The following GALNT18 variants were observed in gnomAD, a reference collection of about 807,000 sequenced individuals.
GALNT18 encodes polypeptide N-acetylgalactosaminyltransferase 18.
In GALNT18, 44 loss-of-function variants were observed where a neutral mutation model predicts 69.5. The ratio of observed to expected loss-of-function variants is 0.63; its 90% CI spans 0.50 to 0.81. The LOEUF (loss-of-function observed/expected upper bound fraction) is 0.81, where lower values mean the gene tolerates loss of function less well. Ranked by LOEUF, GALNT18 falls within the 40% of genes least tolerant of loss-of-function variation. The pLI is 0.00. For synonymous variants in GALNT18, 364 were observed against 318.2 expected, an observed-to-expected ratio of 1.14 and a Z score of -1.53; for missense variants, 715 against 810.0, an observed-to-expected ratio of 0.88 and a Z score of 1.42.
Position 11,465,292 on chromosome 11 carries a change from C to G in GALNT18, c.236-16356G>C, listed in dbSNP as rs1856132851. The stretch of plus-strand genomic sequence containing the variant: ...AGGGTCTGTATTTAGACTGATTTCC[C>G]CTGAGACTGGGGAGTTGGGTGGGCA... On this transcript the variant is annotated intron_variant, in intron 1 of 10. Transcript: ENST00000227756. This position sits in a 1 kb window ranked among gnomAD's most constrained non-coding sequence, Gnocchi z 5.7. Among the ~76,000 whole-genome samples, 1 of 152,098 alleles carries G rather than the reference C, an allele frequency of 6.6e-6. No individual in the cohort carries two copies. Among genetic ancestry groups the G allele is most frequent in the South Asian group, 2.1e-4 (1 of 4,808 alleles).
At chr11:11,552,035 T>C (rs547455725) in intron 1 of GALNT18, among the ~76,000 whole-genome samples, 2 of 152,252 alleles carry the variant, frequency 1.3e-5, no homozygotes, top group Non-Finnish European at 2.9e-5. Flanking sequence ...CTTTTGTGGA[T>C]CTTCAGTTGC....
Position 11,584,527 on chromosome 11 carries a change from G to A in GALNT18, c.235+36832C>T, listed in dbSNP as rs533226524. On this transcript the variant is annotated intron_variant, in intron 1 of 10. Coordinates refer to ENST00000227756, the MANE Select transcript of GALNT18 (RefSeq NM_198516.3). This position sits in a 1 kb window ranked among gnomAD's most constrained non-coding sequence, Gnocchi z 4.1. ...AGCTCAGAGAAGCACGTCTGAACAC[G>A]TAAGGACCGAGAGGCGAGTCTTCAG... Among the ~76,000 whole-genome samples the A allele has an allele frequency of 2.0e-5, 3 of 152,264 alleles. No individual in the cohort carries two copies. Among genetic ancestry groups the A allele is most frequent in the African/African-American group, 7.2e-5 (3 of 41,554 alleles).
chr11:11,558,232 T>G (rs1450971858), intron 1 of GALNT18, among the ~76,000 whole-genome samples: 2 of 152,212 alleles, frequency 1.3e-5, no homozygotes, highest in African/African-American at 4.8e-5. Flanking sequence ...CAAGGTGTAC[T>G]CTTAATGTGG....
chr11:11,295,740 A>G (rs1849388644), intron 9 of GALNT18, among the ~76,000 whole-genome samples: 1 of 152,160 alleles, frequency 6.6e-6, no homozygotes, highest in African/African-American at 2.4e-5. Context: ...AGCTTGGCAA[A>G]TCCATGGTAA....
Position 11,271,035 on chromosome 11 carries a change from C to T in GALNT18, c.*109G>A, listed in dbSNP as rs1848815327. On this transcript the variant is annotated 3_prime_UTR_variant, in exon 11 of 11. Transcript: ENST00000227756. ...GGAAATAAAAAGCTCTTCTTGGGGG[C>T]CCACTAACCTGGTTCCCCAGACTCC... 2.2e-6 allele frequency: 2 copies of T among 905,210 alleles called. No homozygotes were observed. The highest frequency in any genetic ancestry group is 2.8e-5 in the Admixed American group (1 of 35,304). 56.1% of individuals were successfully genotyped at this position (905,210 alleles called of 1,614,324 possible). A position where few individuals can be genotyped will look rare whatever the true frequency, so the allele number is the denominator to read the frequency against.
chr11:11,463,293 T>C lies in GALNT18; in HGVS notation c.236-14357A>G, dbSNP rs1229949394. Among the ~76,000 whole-genome samples the C allele has an allele frequency of 6.6e-6, 1 of 152,158 alleles. No homozygotes were observed. The highest frequency in any genetic ancestry group is 1.5e-5 in the Non-Finnish European group (1 of 68,040). On this transcript the variant is annotated intron_variant, in intron 1 of 10. Coordinates refer to ENST00000227756, the MANE Select transcript of GALNT18 (RefSeq NM_198516.3). The surrounding 1 kb of genome is among the most constrained non-coding windows in gnomAD (Gnocchi z 4.2). ...AAAAGCTCATCCTGAAAACAGATTC[T>C]TCTAGTCCCAAGTGGTTGCTCACTG...
intron 2 of GALNT18, among the ~76,000 whole-genome samples, chr11:11,445,657 C>A (rs2133815029): frequency 6.6e-6 from 1 of 152,334 alleles, no homozygotes; most frequent in South Asian, 2.1e-4. Flanking sequence ...CTTCCAAGTA[C>A]ATGTGCAAAG....
intron 9 of GALNT18, among the ~76,000 whole-genome samples, chr11:11,307,526 C>A (rs920808372): frequency 6.6e-6 from 1 of 152,134 alleles, no homozygotes; most frequent in African/African-American, 2.4e-5. Flanking sequence ...AACAGGAAAA[C>A]TGGCAGAGCT....
rs186984818 is a variant in GALNT18 at position 11,618,132 on chromosome 11, G to A, written c.235+3227C>T. 2.1e-3 allele frequency among the ~76,000 whole-genome samples: 327 copies of A among 152,286 alleles called. 1 individual carries two copies. The highest frequency in any genetic ancestry group is 7.7e-3 in the African/African-American group (318 of 41,548). ...CAGTCATGACTAGAACAGACCTCTG[G>A]GGTGATGCTCCAAAGCCTCTTCTAA... On this transcript the variant is annotated intron_variant, in intron 1 of 10. Coordinates refer to ENST00000227756, the MANE Select transcript of GALNT18 (RefSeq NM_198516.3). The surrounding 1 kb of genome is among the most constrained non-coding windows in gnomAD (Gnocchi z 6.1).
rs1158500177 is a variant in GALNT18 at position 11,591,440 on chromosome 11, C to G, written c.235+29919G>C. On this transcript the variant is annotated intron_variant, in intron 1 of 10. Transcript: ENST00000227756. This position sits in a 1 kb window ranked among gnomAD's most constrained non-coding sequence, Gnocchi z 4.8. ...CTGGATGAGCCTCACTGCGTTCCTT[C>G]TCATCCATGTTTCTCAGGCTCCTCA... 6.6e-6 allele frequency among the ~76,000 whole-genome samples: 1 copy of G among 152,176 alleles called. No individual in the cohort carries two copies. Among genetic ancestry groups the G allele is most frequent in the African/African-American group, 2.4e-5 (1 of 41,446 alleles).
At position 11,469,565 on chromosome 11, in the gene GALNT18, GT is replaced by G. The variant is rs1229497901; in HGVS notation, c.236-20630del. Among the ~76,000 whole-genome samples the G allele has an allele frequency of 6.6e-6, 1 of 152,112 alleles. No homozygotes were observed. The highest frequency in any genetic ancestry group is 1.5e-5 in the Non-Finnish European group (1 of 68,018). ...CATCTTGGTGATCAACCTCTGACTT[GT>G]TTTCAGTTTGATCCATGAGGGCCAT... On this transcript the variant is annotated intron_variant, in intron 1 of 10. Coordinates refer to ENST00000227756, the MANE Select transcript of GALNT18 (RefSeq NM_198516.3). The surrounding 1 kb of genome is among the most constrained non-coding windows in gnomAD (Gnocchi z 4.2).
At chr11:11,464,680 C>G (rs1048442396) in intron 1 of GALNT18, among the ~76,000 whole-genome samples, 1 of 152,178 alleles carries the variant, frequency 6.6e-6, no homozygotes, top group Non-Finnish European at 1.5e-5. Context: ...CATCAAGATA[C>G]AGCAGTGCAG....
chr11:11,593,366 T>C (rs565567983), intron 1 of GALNT18, among the ~76,000 whole-genome samples: 4 of 152,276 alleles, frequency 2.6e-5, no homozygotes, highest in East Asian at 1.9e-4. Context: ...TGTCAGCTCA[T>C]GAGTCTAAAA....
At chr11:11,351,212 G>A (rs1850394652) in intron 6 of GALNT18, among the ~76,000 whole-genome samples, 1 of 152,304 alleles carries the variant, frequency 6.6e-6, no homozygotes, top group South Asian at 2.1e-4. Flanking sequence ...GAGCTGCAAG[G>A]GGCAGGCAGG....
chr11:11,391,300 G>T (rs2133715522), intron 3 of GALNT18, among the ~76,000 whole-genome samples: 1 of 152,288 alleles, frequency 6.6e-6, no homozygotes, highest in South Asian at 2.1e-4. Context: ...TATTTGTATT[G>T]CCACTTAGCC....
In GALNT18 at chr11:11,320,020, C is replaced by G. The variant is rs543100014; in HGVS notation, c.1512+7066G>C. On this transcript the variant is annotated intron_variant, in intron 9 of 10. Coordinates refer to ENST00000227756, the MANE Select transcript of GALNT18 (RefSeq NM_198516.3). The surrounding 1 kb of genome is among the most constrained non-coding windows in gnomAD (Gnocchi z 4.9). ...TACTACTATATTCTCTCTTATGCTGCTACAAGCCAAGGGACCACCAACCAC... is the reference window on the plus strand; with the variant it reads ...TACTACTATATTCTCTCTTATGCTGGTACAAGCCAAGGGACCACCAACCAC... Among the ~76,000 whole-genome samples, 1 of 152,302 alleles carries G rather than the reference C, an allele frequency of 6.6e-6. No individual in the cohort carries two copies. The highest frequency in any genetic ancestry group is 1.9e-4 in the East Asian group (1 of 5,184).
At chr11:11,488,321 G>A (rs900336619) in intron 1 of GALNT18, among the ~76,000 whole-genome samples, 7 of 152,120 alleles carry the variant, frequency 4.6e-5, no homozygotes, top group African/African-American at 1.7e-4. Context: ...CGCATTCCTT[G>A]ACTCGGGGTC....
At position 11,383,799 on chromosome 11, in the gene GALNT18, GT is replaced by G. The variant is rs1184585651; in HGVS notation, c.596-4536del. Among the ~76,000 whole-genome samples the G allele has an allele frequency of 6.7e-6, 1 of 149,448 alleles. No individual in the cohort carries two copies. The highest frequency in any genetic ancestry group is 1.5e-5 in the Non-Finnish European group (1 of 67,484). ...GAGTGAGTTCTCATGAGATCTGATGGTTTAAGTGTGGCACTTCCTCTCTCTC... is the reference window on the plus strand; with the variant it reads ...GAGTGAGTTCTCATGAGATCTGATGGTTAAGTGTGGCACTTCCTCTCTCTC... On this transcript the variant is annotated intron_variant, in intron 3 of 10. Transcript: ENST00000227756. This position sits in a 1 kb window ranked among gnomAD's most constrained non-coding sequence, Gnocchi z 5.2.
intron 3 of GALNT18, among the ~76,000 whole-genome samples, chr11:11,406,031 G>A (rs894970483): frequency 1.3e-5 from 2 of 152,200 alleles, no homozygotes; most frequent in African/African-American, 4.8e-5. Flanking sequence ...CAGAGAGATC[G>A]GAGAGTCCCA....
Sources: gnomAD v4.1 joint callset for allele counts (sites outside exome capture counted in the v4.1 genomes callset) on GRCh38, gnomAD v4.1.1 for gene constraint, Gnocchi (gnomAD v3.1) non-coding constraint, MANE v1.5 for transcripts, NCBI Gene and HGNC (gene_info 2026-07-23, HGNC 2026-07-21) for gene names.